The following KCNT2 variants were observed in gnomAD, a reference collection of about 807,000 sequenced individuals.
KCNT2 encodes potassium channel subfamily T member 2.
Under a neutral mutation model 153.8 loss-of-function variants are expected in KCNT2, and 67 were observed. The ratio of observed to expected loss-of-function variants is 0.44; its 90% CI spans 0.36 to 0.53. The LOEUF is 0.53. KCNT2 is among the 20% of genes least tolerant of loss of function. The probability of loss-of-function intolerance (pLI) is 0.00; values close to 1 mark genes in which losing one functional copy is unlikely to be tolerated. For synonymous variants in KCNT2, 500 were observed against 458.8 expected, an observed-to-expected ratio of 1.09 and a Z score of -1.15; for missense variants, 975 against 1,354.8, an observed-to-expected ratio of 0.72 and a Z score of 4.40.
At chr1:196,413,492 T>C (rs1423286213) in intron 12 of KCNT2, among the ~76,000 whole-genome samples, 4 of 151,654 alleles carry the variant, frequency 2.6e-5, no homozygotes, top group Admixed American at 1.3e-4. Context: ...AAAACTACAA[T>C]CCTAAAAAAT....
chr1:196,488,360 G>A (rs958469693), intron 3 of KCNT2, among the ~76,000 whole-genome samples: 3 of 151,838 alleles, frequency 2.0e-5, no homozygotes, highest in African/African-American at 7.3e-5. Context: ...TATTCAAAAT[G>A]GAACCATAAA....
chr1:196,278,518 T>C (rs1018062822), intron 25 of KCNT2, among the ~76,000 whole-genome samples: 31 of 152,204 alleles, frequency 2.0e-4, no homozygotes, highest in African/African-American at 7.2e-4. Flanking sequence ...TTTAATGAGG[T>C]AATCTTTATT....
At chr1:196,380,908 G>A (rs569911395) in intron 13 of KCNT2, among the ~76,000 whole-genome samples, 33 of 152,152 alleles carry the variant, frequency 2.2e-4, no homozygotes, top group Admixed American at 8.5e-4. Flanking sequence ...GCATGCGTGC[G>A]CGTGCATATG....
At chr1:196,390,138 G>A (rs1255456351) in intron 13 of KCNT2, among the ~76,000 whole-genome samples, 1 of 151,138 alleles carries the variant, frequency 6.6e-6, no homozygotes, top group Non-Finnish European at 1.5e-5. Context: ...CATTACTTGT[G>A]TACTTGCAAA....
intron 26 of KCNT2, among the ~76,000 whole-genome samples, chr1:196,253,503 G>T (rs76411890): frequency 6.6e-6 from 1 of 151,220 alleles, no homozygotes. Context: ...TGTGTTTTCC[G>T]AATCTGTTTC....
intron 5 of KCNT2, 26 bp from the exon 6 acceptor site, chr1:196,469,094 G>C (rs759619850): frequency 7.0e-7 from 1 of 1,422,142 alleles, no homozygotes; most frequent in Non-Finnish European, 9.8e-7. Flanking sequence ...GAATAAAAAC[G>C]AAAGTCAATT....
chr1:196,336,119 A>G (rs143273722), intron 16 of KCNT2, among the ~76,000 whole-genome samples: 2 of 152,196 alleles, frequency 1.3e-5, no homozygotes, highest in Admixed American at 6.6e-5. Flanking sequence ...TGCATCATTA[A>G]TAGTCTCTCC....
At chr1:196,395,799 A>T (rs1169043131) in intron 13 of KCNT2, among the ~76,000 whole-genome samples, 1 of 151,658 alleles carries the variant, frequency 6.6e-6, no homozygotes, top group Non-Finnish European at 1.5e-5. Flanking sequence ...AATTATAATC[A>T]TGATTATATT....
chr1:196,485,265 G>C (rs988835244), intron 3 of KCNT2, among the ~76,000 whole-genome samples: 45 of 152,078 alleles, frequency 3.0e-4, no homozygotes, highest in African/African-American at 1.1e-3. Flanking sequence ...ATGGACACAG[G>C]GAGGGGAACA....
chr1:196,270,675 C>A lies in KCNT2; in HGVS notation c.2910+10185G>T, dbSNP rs532991830. Among the ~76,000 whole-genome samples, 4 of 151,976 alleles carry A rather than the reference C, an allele frequency of 2.6e-5. No homozygotes were observed. In the East Asian group the frequency reaches 7.7e-4, roughly 29 times the overall value. On this transcript the variant is annotated intron_variant, in intron 25 of 27. Transcript: ENST00000294725. ...GCAATTTATAATTTTCCAGAATTAC[C>A]AAAATATATAGTCTAAAGCAATGGT...
intron 1 of KCNT2, among the ~76,000 whole-genome samples, chr1:196,504,652 A>C (rs906557380): frequency 6.6e-6 from 1 of 152,180 alleles, no homozygotes; most frequent in Admixed American, 6.5e-5. Flanking sequence ...TCCCTGAGGA[A>C]TCGCCACACT....
At chr1:196,295,292 T>C (rs1333123850) in intron 22 of KCNT2, among the ~76,000 whole-genome samples, 1 of 151,986 alleles carries the variant, frequency 6.6e-6, no homozygotes, top group African/African-American at 2.4e-5. Context: ...TTCTTTCTTG[T>C]GCTTTTATAA....
At chr1:196,307,168 G>T (rs1270765153) in intron 21 of KCNT2, among the ~76,000 whole-genome samples, 2 of 152,018 alleles carry the variant, frequency 1.3e-5, no homozygotes, top group South Asian at 4.1e-4. Context: ...ATCAGATTCT[G>T]CAAAGAAAGG....
chr1:196,488,812 G>A (rs1679634519), intron 3 of KCNT2, among the ~76,000 whole-genome samples: 1 of 151,930 alleles, frequency 6.6e-6, no homozygotes, highest in Admixed American at 6.6e-5. Flanking sequence ...GAGAGCTATG[G>A]AGGAAAACAC....
At position 196,464,047 on chromosome 1, in the gene KCNT2, C is replaced by T. The variant is rs1184121245; in HGVS notation, c.638+1246G>A. Reference sequence around the variant, plus strand: ...AATTTTCCAACAATTGAAAAATTATCGTATGCATACCATACATACATAATT... The same window carrying T: ...AATTTTCCAACAATTGAAAAATTATTGTATGCATACCATACATACATAATT... On this transcript the variant is annotated intron_variant, in intron 8 of 27. Coordinates refer to ENST00000294725, the MANE Select transcript of KCNT2 (RefSeq NM_198503.5). Among the ~76,000 whole-genome samples, 4 of 151,830 alleles carry T rather than the reference C, an allele frequency of 2.6e-5. No homozygotes were observed. In the South Asian group the frequency reaches 8.3e-4, roughly 32 times the overall value.
intron 1 of KCNT2, among the ~76,000 whole-genome samples, chr1:196,512,910 C>T (rs1170561258): frequency 3.9e-5 from 6 of 152,070 alleles, no homozygotes; most frequent in African/African-American, 1.4e-4. Flanking sequence ...ACTGCAAAAA[C>T]TGCCAGATTG....
chr1:196,502,522 G>C (rs149940268), intron 1 of KCNT2, among the ~76,000 whole-genome samples: 1 of 152,064 alleles, frequency 6.6e-6, no homozygotes, highest in African/African-American at 2.4e-5. Flanking sequence ...ATGGTAATGA[G>C]GAAATAAAAT....
chr1:196,468,836 G>A (rs968629808), intron 6 of KCNT2, among the ~76,000 whole-genome samples, 158 bp downstream of exon 6: 3 of 151,894 alleles, frequency 2.0e-5, no homozygotes, highest in Non-Finnish European at 1.5e-5. Context: ...TACACAACAC[G>A]ATCCAACCAA....
intron 8 of KCNT2, among the ~76,000 whole-genome samples, chr1:196,444,418 A>G (rs1675510111): frequency 6.6e-6 from 1 of 151,328 alleles, no homozygotes; most frequent in Admixed American, 6.6e-5. Flanking sequence ...AGCAAGCATA[A>G]TGCCTATTCT....
Sources: allele counts gnomAD v4.1 joint callset (sites outside exome capture counted in the v4.1 genomes callset), GRCh38; gene constraint gnomAD v4.1.1; transcripts MANE v1.5; gene names NCBI Gene and HGNC (gene_info 2026-07-23, HGNC 2026-07-21).